Variants in PCLO observed in about 807,000 individuals in gnomAD.
PCLO encodes piccolo presynaptic cytomatrix protein.
In PCLO, 82 loss-of-function variants were observed where a neutral mutation model predicts 427.5. The observed-to-expected ratio is 0.19, with a 90% CI of 0.16 to 0.23. PCLO has a LOEUF of 0.23. Ranked by LOEUF, PCLO falls within the 10% of genes least tolerant of loss-of-function variation. PCLO has a pLI of 1.00. For missense variants in PCLO, 6,239 were observed against 6,115.9 expected, an observed-to-expected ratio of 1.02 and a Z score of -0.67; for synonymous variants, 2,357 against 2,155.4, an observed-to-expected ratio of 1.09 and a Z score of -2.59.
intron 6 of PCLO, among the ~76,000 whole-genome samples, chr7:82,934,086 A>T (rs2116350926): frequency 6.6e-6 from 1 of 152,046 alleles, no homozygotes; most frequent in African/African-American, 2.4e-5. Context: ...TTAAAATATA[A>T]CTTTTACAAA....
chr7:82,765,816 A>G (rs1339366406), intron 22 of PCLO, among the ~76,000 whole-genome samples: 2 of 152,128 alleles, frequency 1.3e-5, no homozygotes, highest in African/African-American at 4.8e-5. Context: ...AGGAAAATAA[A>G]GGATCTCTAA....
chr7:82,812,439 T>A (rs769684886), intron 20 of PCLO, among the ~76,000 whole-genome samples: 11 of 151,530 alleles, frequency 7.3e-5, no homozygotes, highest in Non-Finnish European at 1.5e-4. Context: ...GTCTTCCTTT[T>A]TTTGAGGGGT....
intron 10 of PCLO, 106 bp downstream of exon 10, chr7:82,879,231 G>A: frequency 1.1e-6 from 1 of 894,452 alleles, no homozygotes; most frequent in Non-Finnish European, 1.6e-6. Context: ...CATAAGGAGA[G>A]AGGTTTACCT....
intron 2 of PCLO, among the ~76,000 whole-genome samples, chr7:83,142,103 C>G (rs1229584429): frequency 1.3e-5 from 2 of 151,798 alleles, no homozygotes; most frequent in African/African-American, 4.8e-5. Context: ...CTATGTAACT[C>G]TAACTGGAAA....
intron 5 of PCLO, 143 bp from the exon 6 acceptor site, chr7:82,951,633 C>A (rs1219951384): frequency 1.2e-6 from 1 of 858,538 alleles, no homozygotes; most frequent in Non-Finnish European, 1.8e-6. Flanking sequence ...GGAATGAAAG[C>A]AATGTTGAAC....
At chr7:82,772,880 T>G (rs1005597107) in intron 22 of PCLO, among the ~76,000 whole-genome samples, 2 of 152,164 alleles carry the variant, frequency 1.3e-5, no homozygotes, top group African/African-American at 2.4e-5. Flanking sequence ...ACAAAAATGT[T>G]TCACTATTAC....
In PCLO at chr7:83,043,817, G is replaced by A. The variant is rs1388807231; in HGVS notation, c.3301-77330C>T. Among the ~76,000 whole-genome samples, 6 of 150,448 alleles carry A rather than the reference G, an allele frequency of 4.0e-5. 1 individual carries two copies. Among genetic ancestry groups the A allele is most frequent in the Middle Eastern group, 3.2e-3 (1 of 312 alleles). The stretch of plus-strand genomic sequence containing the variant: ...TATACAAAGCCATTTTTAATTAATG[G>A]TTTACTTTCCAATTATAGAAGAGAA... On this transcript the variant is annotated intron_variant, in intron 3 of 24. Transcript: ENST00000333891.
chr7:82,991,328 C>A (rs1304000560), intron 3 of PCLO, among the ~76,000 whole-genome samples: 5 of 151,918 alleles, frequency 3.3e-5, no homozygotes, highest in South Asian at 2.1e-4. Flanking sequence ...CCACTGCACT[C>A]CAGCCTAGGT....
chr7:83,087,342 A>G (rs1271784329), intron 3 of PCLO, among the ~76,000 whole-genome samples: 1 of 152,014 alleles, frequency 6.6e-6, no homozygotes, highest in Non-Finnish European at 1.5e-5. Context: ...AAAACTGCAT[A>G]TGGGTACAAC....
In PCLO at chr7:82,934,299, A is replaced by G. The variant is rs116389506; in HGVS notation, c.11112+15177T>C. ...AAGGCAAATGATCGCATTCAGCAAG[A>G]TAAGTATTCTAAATAAAACTAATTC... On this transcript the variant is annotated intron_variant, in intron 6 of 24. Transcript: ENST00000333891. Among the ~76,000 whole-genome samples, 454 of 151,940 alleles carry G rather than the reference A, an allele frequency of 3.0e-3. 1 individual carries two copies. The highest frequency in any genetic ancestry group is 0.01 in the African/African-American group (427 of 41,522).
intron 3 of PCLO, among the ~76,000 whole-genome samples, chr7:83,053,665 T>C (rs1161001991): frequency 6.6e-6 from 1 of 151,946 alleles, no homozygotes; most frequent in Non-Finnish European, 1.5e-5. Context: ...TTTAGAGCTA[T>C]CTAAGTACAC....
At chr7:83,038,003 A>T (rs1300548774) in intron 3 of PCLO, among the ~76,000 whole-genome samples, 2 of 36,532 alleles carry the variant, frequency 5.5e-5, no homozygotes, top group Admixed American at 9.5e-4. Flanking sequence ...ATATATATAT[A>T]TATATATATA....
intron 9 of PCLO, among the ~76,000 whole-genome samples, chr7:82,895,160 T>TA (rs1368599606): frequency 6.6e-6 from 1 of 151,720 alleles, no homozygotes; most frequent in Non-Finnish European, 1.5e-5. Flanking sequence ...GAAACTAAAC[T>TA]AAAGATCAAG....
intron 3 of PCLO, among the ~76,000 whole-genome samples, chr7:83,013,813 GA>G (rs1250480224): frequency 2.0e-5 from 3 of 152,094 alleles, no homozygotes. Context: ...AGTGTTTTTG[GA>G]AATAGCACAA....
At chr7:82,949,318 T>C (rs1440362775) in intron 6 of PCLO, among the ~76,000 whole-genome samples, 158 bp downstream of exon 6, 1 of 151,538 alleles carries the variant, frequency 6.6e-6, no homozygotes, top group Non-Finnish European at 1.5e-5. Context: ...CACACACACA[T>C]ATACACATAT....
chr7:82,955,485 G>A lies in PCLO; in HGVS notation c.5468C>T (p.Pro1823Leu), dbSNP rs758637592. 1 of 1,613,620 alleles carries A rather than the reference G, an allele frequency of 6.2e-7. No homozygotes were observed. Among genetic ancestry groups the A allele is most frequent in the Non-Finnish European group, 8.5e-7 (1 of 1,179,790 alleles). Reference protein sequence around the residue: ...ELRAQRRRERPKTPPSNLSPI... With the variant: ...ELRAQRRRERLKTPPSNLSPI... ...AGAGAGATTACTAGGTGGTGTCTTT[G>A]GCCTTTCCCTTCTTCTCTGAGCTCG... is the stretch of plus-strand genomic sequence containing the variant. The change falls in exon 5 of 25, where the codon CCA (proline) becomes CTA (leucine). Residue 1823 changes from proline (P) to leucine (L), a missense_variant. Around this residue, in one of 5 missense-constraint regions of PCLO, gnomAD observed 4,677 missense variants for 4,468.4 expected, o/e 1.05. Transcript: ENST00000333891.
chr7:82,919,163 C>T (rs1794538303), intron 6 of PCLO, among the ~76,000 whole-genome samples: 1 of 151,980 alleles, frequency 6.6e-6, no homozygotes, highest in Admixed American at 6.6e-5. Flanking sequence ...GTGCCGCAAA[C>T]CACCATGGCA....
intron 3 of PCLO, among the ~76,000 whole-genome samples, chr7:83,022,367 T>C (rs1275779857): frequency 1.3e-5 from 2 of 152,176 alleles, no homozygotes; most frequent in African/African-American, 4.8e-5. Context: ...ATAAAATAAT[T>C]ATTTGTAAAT....
At chr7:82,779,588 A>G (rs1348349426) in intron 22 of PCLO, among the ~76,000 whole-genome samples, 1 of 152,082 alleles carries the variant, frequency 6.6e-6, no homozygotes, top group Non-Finnish European at 1.5e-5. Flanking sequence ...GCTATCGGTA[A>G]CAGAAAATCT....
Sources: allele counts gnomAD v4.1 joint callset (sites outside exome capture counted in the v4.1 genomes callset), GRCh38; gene constraint gnomAD v4.1.1; regional missense constraint gnomAD v4.1.1; transcripts MANE v1.5; gene names NCBI Gene and HGNC (gene_info 2026-07-23, HGNC 2026-07-21).